NEK10: variants seen among roughly 807,000 people sequenced by gnomAD.
NEK10 encodes serine/threonine-protein kinase Nek10.
A neutral mutation model predicts 159.8 loss-of-function variants in NEK10; 122 were observed. The ratio of observed to expected loss-of-function variants is 0.76; its 90% CI spans 0.66 to 0.89. NEK10 has a LOEUF of 0.89. NEK10 is among the 40% of genes least tolerant of loss of function. The probability of loss-of-function intolerance (pLI) is 0.00; values close to 1 mark genes in which losing one functional copy is unlikely to be tolerated. For missense variants in NEK10, 1,342 were observed against 1,323.1 expected (o/e 1.01, Z -0.22); for synonymous variants, 466 against 457.1 (o/e 1.02, Z -0.25).
intron 22 of NEK10, among the ~76,000 whole-genome samples, chr3:27,260,795 G>T (rs1199945492): frequency 1.3e-5 from 2 of 152,150 alleles, no homozygotes; most frequent in African/African-American, 4.8e-5. Context: ...CAGAAGGAAT[G>T]GTACCAGCTC....
chr3:27,291,121 G>A (rs2149490002), intron 18 of NEK10, 141 bp downstream of exon 18: 1 of 884,490 alleles, frequency 1.1e-6, no homozygotes, highest in Admixed American at 3.0e-5. Context: ...ATCTCTGTTG[G>A]ACAAAAACAA....
chr3:27,245,710 C>A (rs1575428171), intron 23 of NEK10, among the ~76,000 whole-genome samples: 1 of 152,212 alleles, frequency 6.6e-6, no homozygotes, highest in African/African-American at 2.4e-5. Context: ...GCATCCAATA[C>A]ATATCTGAAA....
Position 27,291,533 on chromosome 3 carries a change from C to G in NEK10, c.1427G>C (p.Arg476Pro). 1 of 1,611,280 alleles carries G rather than the reference C, an allele frequency of 6.2e-7. No homozygotes were observed. Among genetic ancestry groups the G allele is most frequent in the Non-Finnish European group, 8.5e-7 (1 of 1,177,410 alleles). Residue 476 changes from arginine to proline, a missense_variant, in exon 17 of 36, where the codon CGT (arginine) becomes CCT (proline). Physicochemically the swap from Arg to Pro is moderately radical, Grantham distance 103 (BLOSUM62 -2). Transcript: ENST00000691995. The stretch of plus-strand genomic sequence containing the variant: ...CAATTCTTCATAAGCACTGATATCA[C>G]GTACATAATGCCCTATGTCAATGAA... ...EIFIDIGHYV[R>P]DISAYEELVS... is the part of the protein sequence containing the mutation.
intron 3 of NEK10, among the ~76,000 whole-genome samples, chr3:27,349,526 C>G (rs768879222): frequency 6.6e-6 from 1 of 152,138 alleles, no homozygotes; most frequent in Non-Finnish European, 1.5e-5. Context: ...CACCACCATG[C>G]CTTATACGTG....
intron 23 of NEK10, among the ~76,000 whole-genome samples, chr3:27,225,780 C>A (rs1244097549): frequency 6.6e-6 from 1 of 152,198 alleles, no homozygotes; most frequent in African/African-American, 2.4e-5. Flanking sequence ...CCATTTCTCA[C>A]TTGCAAATCC....
intron 22 of NEK10, among the ~76,000 whole-genome samples, chr3:27,264,881 C>T (rs942364375): frequency 2.0e-4 from 29 of 145,936 alleles, no homozygotes; most frequent in African/African-American, 6.2e-4. Flanking sequence ...GCAACATGAG[C>T]GAAAATCAGT....
intron 6 of NEK10, among the ~76,000 whole-genome samples, chr3:27,319,358 G>A (rs2045452108): frequency 6.6e-6 from 1 of 152,106 alleles, no homozygotes; most frequent in Admixed American, 6.5e-5. Context: ...AGTCTTTCCT[G>A]GCTGGAACAT....
intron 22 of NEK10, among the ~76,000 whole-genome samples, chr3:27,265,875 C>T (rs1050918708): frequency 8.7e-5 from 13 of 149,082 alleles, no homozygotes; most frequent in African/African-American, 2.0e-4. Flanking sequence ...GGCGCAATCT[C>T]GGCTTACTGC....
At chr3:27,120,316 T>C (rs909753415) in intron 32 of NEK10, among the ~76,000 whole-genome samples, 5 of 151,444 alleles carry the variant, frequency 3.3e-5, no homozygotes, top group Admixed American at 6.6e-5. Context: ...GTAAGTTTCT[T>C]TTTCTTTTTT....
intron 30 of NEK10, among the ~76,000 whole-genome samples, chr3:27,156,929 GATATATATATATATATAT>G (rs4016654): frequency 0.021 from 586 of 28,336 alleles, 16 homozygotes; most frequent in African/African-American, 0.047. Context: ...TAAAGAAACT[GATATATATATATATATAT>G]ATATATATAT....
At chr3:27,211,943 G>A (rs368486649) in intron 23 of NEK10, among the ~76,000 whole-genome samples, 115 of 152,300 alleles carry the variant, frequency 7.6e-4, no homozygotes, top group Middle Eastern at 3.4e-3. Context: ...TGACTTTGGA[G>A]GTGAGGTTGG....
intron 1 of NEK10, among the ~76,000 whole-genome samples, chr3:27,354,887 C>T (rs2048222888): frequency 6.6e-6 from 1 of 152,188 alleles, no homozygotes; most frequent in Admixed American, 6.5e-5. Flanking sequence ...TCAGTCATAA[C>T]TCCCCAGGCA....
chr3:27,144,288 C>G (rs1054779982), intron 30 of NEK10, among the ~76,000 whole-genome samples: 3 of 152,184 alleles, frequency 2.0e-5, no homozygotes, highest in Non-Finnish European at 4.4e-5. Context: ...TACTATGTGT[C>G]CTGGATGCAC....
chr3:27,111,430 A>G (rs1939517092), intron 35 of NEK10, 110 bp from the exon 36 acceptor site: 3 of 795,606 alleles, frequency 3.8e-6, no homozygotes, highest in Non-Finnish European at 5.8e-6. Flanking sequence ...ATCACAGTAA[A>G]TAAAAAGACG....
intron 28 of NEK10, among the ~76,000 whole-genome samples, chr3:27,173,102 G>A (rs968500806): frequency 1.3e-5 from 2 of 152,138 alleles, no homozygotes; most frequent in African/African-American, 4.8e-5. Flanking sequence ...ATGAAAGCAT[G>A]AACTAAAATA....
At chr3:27,320,824 A>G (rs540450804) in intron 6 of NEK10, among the ~76,000 whole-genome samples, 9 of 152,328 alleles carry the variant, frequency 5.9e-5, no homozygotes, top group South Asian at 2.1e-4. Flanking sequence ...CATGAATCCC[A>G]GAAGAGTCCA....
intron 30 of NEK10, among the ~76,000 whole-genome samples, chr3:27,143,769 C>T (rs1016103948): frequency 6.6e-6 from 1 of 152,156 alleles, no homozygotes; most frequent in Non-Finnish European, 1.5e-5. Flanking sequence ...AGCCACCTCC[C>T]CAGAAATAAC....
intron 23 of NEK10, chr3:27,215,842 A>G (rs1951466198): frequency 1.4e-6 from 1 of 717,552 alleles, no homozygotes; most frequent in Non-Finnish European, 2.6e-6. Context: ...TTATGTGGCC[A>G]GAGCAGGAGC....
At chr3:27,268,917 G>A (rs1179202484) in intron 22 of NEK10, among the ~76,000 whole-genome samples, 2 of 152,140 alleles carry the variant, frequency 1.3e-5, no homozygotes, top group African/African-American at 2.4e-5. Context: ...ATGGGAAGAG[G>A]TCAAAATATC....
Sources: gnomAD v4.1 joint callset for allele counts (sites outside exome capture counted in the v4.1 genomes callset) on GRCh38, gnomAD v4.1.1 for gene constraint, MANE v1.5 for transcripts, NCBI Gene and HGNC (gene_info 2026-07-23, HGNC 2026-07-21) for gene names.